The following LRMDA variants were observed in gnomAD, a reference collection of about 807,000 sequenced individuals.
LRMDA encodes the protein leucine rich melanocyte differentiation associated.
In LRMDA, 18 loss-of-function variants were observed where a neutral mutation model predicts 29.8. The observed-to-expected ratio is 0.60, with a 90% CI of 0.42 to 0.90. LRMDA has a LOEUF of 0.90. Ranked by LOEUF, LRMDA falls within the 40% of genes least tolerant of loss-of-function variation. The pLI, the probability that LRMDA is intolerant of heterozygous loss-of-function variation, is 0.00. For synonymous variants in LRMDA, 125 were observed against 109.4 expected (o/e 1.14, Z -0.89); for missense variants, 273 against 273.9 (o/e 1.00, Z 0.02).
At chr10:76,310,540 A>G (rs550109840) in intron 5 of LRMDA, among the ~76,000 whole-genome samples, 1 of 152,022 alleles carries the variant, frequency 6.6e-6, no homozygotes, top group Admixed American at 6.6e-5. Flanking sequence ...TTCTCATTTC[A>G]CAAAGGAAAC....
intron 6 of LRMDA, among the ~76,000 whole-genome samples, chr10:76,552,654 C>G (rs1843509949): frequency 6.6e-6 from 1 of 152,132 alleles, no homozygotes; most frequent in South Asian, 2.1e-4. Flanking sequence ...GGAAACCTGC[C>G]CAGTGAGAGA....
At chr10:76,286,613 T>A (rs569697609) in intron 5 of LRMDA, among the ~76,000 whole-genome samples, 68 of 152,124 alleles carry the variant, frequency 4.5e-4, no homozygotes, top group Non-Finnish European at 7.4e-4. Context: ...CTCACTTCAA[T>A]AGCAAAAATC....
chr10:76,021,551 G>T (rs1847974355), intron 2 of LRMDA, among the ~76,000 whole-genome samples: 1 of 152,166 alleles, frequency 6.6e-6, no homozygotes, highest in Non-Finnish European at 1.5e-5. Context: ...GAAGTGTGCT[G>T]TCCTCTGCAA....
intron 3 of LRMDA, among the ~76,000 whole-genome samples, chr10:76,040,473 G>C (rs2132034316): frequency 6.6e-6 from 1 of 152,196 alleles, no homozygotes; most frequent in Non-Finnish European, 1.5e-5. Context: ...CTCATCTCTT[G>C]GTTCGTAGGG....
At chr10:76,302,364 G>C (rs770938894) in intron 5 of LRMDA, among the ~76,000 whole-genome samples, 8 of 152,176 alleles carry the variant, frequency 5.3e-5, no homozygotes, top group Non-Finnish European at 1.0e-4. Flanking sequence ...TATCTTCCCT[G>C]GGGGGTGGTA....
intron 6 of LRMDA, among the ~76,000 whole-genome samples, chr10:76,532,758 G>A (rs1232340343): frequency 2.0e-5 from 3 of 152,168 alleles, no homozygotes. Flanking sequence ...AGGTTTGGAG[G>A]AACAAGCCAT....
intron 2 of LRMDA, among the ~76,000 whole-genome samples, chr10:75,627,896 T>C (rs1021146449): frequency 2.6e-5 from 4 of 152,216 alleles, no homozygotes; most frequent in African/African-American, 9.7e-5. Context: ...GCAAAAATAA[T>C]CATGTTTGCA....
chr10:76,361,552 A>G (rs143567951), intron 6 of LRMDA, among the ~76,000 whole-genome samples: 2 of 152,218 alleles, frequency 1.3e-5, no homozygotes, highest in African/African-American at 4.8e-5. Flanking sequence ...CTTATCTACC[A>G]TTACATGCCA....
chr10:76,400,108 C>CT (rs2132495193), intron 6 of LRMDA, among the ~76,000 whole-genome samples: 2 of 152,276 alleles, frequency 1.3e-5, no homozygotes, highest in South Asian at 2.1e-4. Context: ...TAGTAGAAAA[C>CT]TTTTTTCCTG....
chr10:76,329,163 C>A (rs1193831247), intron 6 of LRMDA, among the ~76,000 whole-genome samples: 1 of 152,170 alleles, frequency 6.6e-6, no homozygotes, highest in Non-Finnish European at 1.5e-5. Context: ...CTCTTTGGCC[C>A]AACTCTAACC....
intron 2 of LRMDA, among the ~76,000 whole-genome samples, chr10:75,513,992 C>T (rs1026886062): frequency 3.3e-5 from 5 of 152,234 alleles, no homozygotes; most frequent in South Asian, 2.1e-4. Flanking sequence ...TATTTCTCCT[C>T]GTAGTTTTCT....
At chr10:75,520,357 T>G (rs2132036944) in intron 2 of LRMDA, among the ~76,000 whole-genome samples, 1 of 152,350 alleles carries the variant, frequency 6.6e-6, no homozygotes, top group African/African-American at 2.4e-5. Context: ...CCCATATTTT[T>G]TGGAGGCTTT....
At chr10:76,397,959 T>C (rs1432979650) in intron 6 of LRMDA, among the ~76,000 whole-genome samples, 1 of 152,218 alleles carries the variant, frequency 6.6e-6, no homozygotes, top group African/African-American at 2.4e-5. Flanking sequence ...AGTCCAACCC[T>C]TTTATTACAA....
intron 2 of LRMDA, among the ~76,000 whole-genome samples, chr10:75,474,336 T>G (rs556558644): frequency 6.6e-6 from 1 of 152,308 alleles, no homozygotes; most frequent in Non-Finnish European, 1.5e-5. Context: ...CAGCAGAAAC[T>G]TATTTCTCAC....
At chr10:76,373,148 G>A (rs1841475165) in intron 6 of LRMDA, among the ~76,000 whole-genome samples, 2 of 152,032 alleles carry the variant, frequency 1.3e-5, no homozygotes, top group South Asian at 4.2e-4. Context: ...TTGCATTTTG[G>A]GAGATGCTGC....
intron 2 of LRMDA, among the ~76,000 whole-genome samples, chr10:75,520,318 T>C (rs184640378): frequency 4.6e-4 from 70 of 152,378 alleles, no homozygotes; most frequent in African/African-American, 1.7e-3. Context: ...GGTACACCCA[T>C]CAAACATAGA....
intron 2 of LRMDA, among the ~76,000 whole-genome samples, chr10:75,933,531 C>T (rs139679841): frequency 2.7e-4 from 41 of 152,234 alleles, no homozygotes; most frequent in African/African-American, 7.5e-4. Flanking sequence ...GTTGAAGTTG[C>T]AGAAGATTCA....
chr10:76,371,710 T>C (rs897200052), intron 6 of LRMDA, among the ~76,000 whole-genome samples: 1 of 152,142 alleles, frequency 6.6e-6, no homozygotes, highest in East Asian at 1.9e-4. Flanking sequence ...TATTCTTCCA[T>C]ATGCTAGGTG....
At chr10:75,632,527 T>C (rs1841336535) in intron 2 of LRMDA, among the ~76,000 whole-genome samples, 1 of 152,152 alleles carries the variant, frequency 6.6e-6, no homozygotes, top group South Asian at 2.1e-4. Flanking sequence ...TATTAGAAAG[T>C]TTAGCGTTTA....
Sources: allele counts gnomAD v4.1 joint callset (sites outside exome capture counted in the v4.1 genomes callset), GRCh38; gene constraint gnomAD v4.1.1; transcripts MANE v1.5; gene names NCBI Gene and HGNC (gene_info 2026-07-23, HGNC 2026-07-21).